The following ELAPOR1 variants were observed in gnomAD, a reference collection of about 807,000 sequenced individuals.
The protein encoded by ELAPOR1 is endosome-lysosome associated apoptosis and autophagy regulator 1, also known as endosome/lysosome-associated apoptosis and autophagy regulator 1.
ELAPOR1 carries 77 observed loss-of-function variants against 119.7 expected under a neutral mutation model. That is an observed-to-expected ratio of 0.64 (90% CI 0.54 to 0.78). The LOEUF is 0.78. ELAPOR1 is among the 30% of genes least tolerant of loss of function. The pLI is 0.00. For missense variants in ELAPOR1, 1,115 were observed against 1,270.4 expected (o/e 0.88, Z 1.86); for synonymous variants, 481 against 487.2 (o/e 0.99, Z 0.17).
At chr1:109,114,473 G>T (rs1018336643) in intron 1 of ELAPOR1, 137 bp downstream of exon 1, 28 of 1,040,810 alleles carry the variant, frequency 2.7e-5, no homozygotes, top group Middle Eastern at 2.5e-4. Context: ...GTGGGGGGAG[G>T]GAAGAGGAGC....
intron 7 of ELAPOR1, among the ~76,000 whole-genome samples, chr1:109,175,149 CTG>C (rs1454854705): frequency 6.6e-6 from 1 of 151,962 alleles, no homozygotes; most frequent in Non-Finnish European, 1.5e-5. Context: ...ACATGAGACA[CTG>C]TGCCCAGTCC....
In ELAPOR1 at chr1:109,197,688, AGTGTGTGT is replaced by A. The variant is rs5776967; in HGVS notation, c.2302+53_2302+60del. 1.3e-3 allele frequency: 1,835 copies of A among 1,366,754 alleles called. 11 individuals carry two copies. In the African/African-American group the frequency reaches 0.022, roughly 16 times the overall value. 84.7% of individuals were successfully genotyped at this position (1,366,754 alleles called of 1,614,324 possible). A position where few individuals can be genotyped will look rare whatever the true frequency, so the allele number is the denominator to read the frequency against. On this transcript the variant is annotated intron_variant, in intron 16 of 21. Transcript: ENST00000369939. The stretch of plus-strand genomic sequence containing the variant: ...CTCCGCTGCCTCAGCCTTGTTTGAG[AGTGTGTGT>A]GTGTGTGTGTGTGTGTGTATGTGTA...
intron 1 of ELAPOR1, among the ~76,000 whole-genome samples, chr1:109,129,790 C>G (rs1052813812): frequency 6.6e-5 from 10 of 152,160 alleles, no homozygotes; most frequent in African/African-American, 9.7e-5. Flanking sequence ...TTTGAAGGAC[C>G]ACTGTGAAAA....
Position 109,173,765 on chromosome 1 carries a change from CT to C in ELAPOR1, c.883del (p.Cys295AlafsTer74). ...CAAGCAGGGCTCCTCTTTCTGCAAA[CT>C]TTGCCCAGCCAACTCTTATTCAAAT... Reference protein sequence around the residue: ...ADKQGSSFCKLCPANSYSNKG... With the variant: ...ADKQGSSFCKXCPANSYSNKG... On this transcript the variant is annotated frameshift_variant, in exon 7 of 22. Transcript: ENST00000369939. LOFTEE classifies it high-confidence loss of function. 3.1e-6 allele frequency: 5 copies of C among 1,614,178 alleles called. No homozygotes were observed. The highest frequency in any genetic ancestry group is 4.2e-6 in the Non-Finnish European group (5 of 1,180,028).
intron 1 of ELAPOR1, among the ~76,000 whole-genome samples, chr1:109,140,676 G>C (rs965779342): frequency 1.3e-5 from 2 of 152,122 alleles, no homozygotes; most frequent in East Asian, 3.8e-4. Flanking sequence ...TAGATCTCAG[G>C]ATTGTATACA....
chr1:109,144,058 TA>T lies in ELAPOR1; in HGVS notation c.154-17835del, dbSNP rs1176475230. On this transcript the variant is annotated intron_variant, in intron 1 of 21. Coordinates refer to ENST00000369939, the MANE Select transcript of ELAPOR1 (RefSeq NM_020775.5). ...TTATATATATATATATATATATTTA[TA>T]TATTTTTTTTTTTTTTTGAGATGGA... 4.6e-3 allele frequency among the ~76,000 whole-genome samples: 226 copies of T among 48,916 alleles called. 4 individuals carry two copies. The highest frequency in any genetic ancestry group is 0.011 in the East Asian group (13 of 1,168). The allele number at this position is 48,916 out of a possible 152,430, so 32.1% of individuals were successfully genotyped here.
rs557486442 is a variant in ELAPOR1 at position 109,202,110 on chromosome 1, G to GTATT, written c.2974-817_2974-814dup. Among the ~76,000 whole-genome samples the GTATT allele has an allele frequency of 2.0e-3, 305 of 151,912 alleles. 1 individual carries two copies. Among genetic ancestry groups the GTATT allele is most frequent in the Non-Finnish European group, 3.6e-3 (242 of 67,864 alleles). ...GCGAGACCCTGTCTCTAAAAAACATGTATTTATTTATTTATTTATTGAGAC... is the reference window on the plus strand; with the variant it reads ...GCGAGACCCTGTCTCTAAAAAACATGTATTTATTTATTTATTTATTTATTGAGAC... On this transcript the variant is annotated intron_variant, in intron 21 of 21. Coordinates refer to ENST00000369939, the MANE Select transcript of ELAPOR1 (RefSeq NM_020775.5).
At chr1:109,139,004 C>A (rs971781046) in intron 1 of ELAPOR1, among the ~76,000 whole-genome samples, 7 of 151,876 alleles carry the variant, frequency 4.6e-5, no homozygotes, top group African/African-American at 1.7e-4. Flanking sequence ...CTGTCCTGGC[C>A]CCCTAGTTCT....
intron 2 of ELAPOR1, among the ~76,000 whole-genome samples, chr1:109,164,122 TC>T (rs1239350221): frequency 1.3e-5 from 2 of 152,154 alleles, no homozygotes; most frequent in East Asian, 3.9e-4. Context: ...TTTAGAATAT[TC>T]ACAGCAACCA....
chr1:109,133,297 A>T (rs1025174518), intron 1 of ELAPOR1, among the ~76,000 whole-genome samples: 15 of 152,262 alleles, frequency 9.9e-5, no homozygotes, highest in South Asian at 2.1e-4. Context: ...TATGAATGCT[A>T]TATAAGCAAA....
intron 1 of ELAPOR1, among the ~76,000 whole-genome samples, chr1:109,114,580 C>A (rs537434007): frequency 6.6e-6 from 1 of 152,150 alleles, no homozygotes; most frequent in Admixed American, 6.5e-5. Flanking sequence ...AGGTCCCAGC[C>A]CCAAGAAGGG....
intron 1 of ELAPOR1, among the ~76,000 whole-genome samples, chr1:109,150,193 T>C (rs1650442743): frequency 6.6e-6 from 1 of 152,206 alleles, no homozygotes; most frequent in South Asian, 2.1e-4. Flanking sequence ...TGGAGGCCAC[T>C]GTCTGCTTTG....
At chr1:109,156,560 G>A (rs527966895) in intron 1 of ELAPOR1, among the ~76,000 whole-genome samples, 1 of 152,208 alleles carries the variant, frequency 6.6e-6, no homozygotes, top group African/African-American at 2.4e-5. Context: ...TATGTACCTT[G>A]TATAAGTAGA....
intron 7 of ELAPOR1, among the ~76,000 whole-genome samples, chr1:109,183,163 T>G (rs796437148): frequency 2.6e-4 from 40 of 151,578 alleles, no homozygotes; most frequent in African/African-American, 9.4e-4. Flanking sequence ...TCAAAAGAGT[T>G]TTTAAAATCA....
Position 109,180,422 on chromosome 1 carries a change from G to A in ELAPOR1, c.953-4623G>A, listed in dbSNP as rs569446523. 3.3e-5 allele frequency among the ~76,000 whole-genome samples: 5 copies of A among 152,094 alleles called. No individual in the cohort carries two copies. The East Asian group carries it at 5.8e-4, about 18-fold the overall frequency. Reference sequence around the variant, plus strand: ...CTGGGGAGGCTGACGCAGGAGGATCGTTCAAGCCCAGGAGTTAGAAGCTGA... The same window carrying A: ...CTGGGGAGGCTGACGCAGGAGGATCATTCAAGCCCAGGAGTTAGAAGCTGA... On this transcript the variant is annotated intron_variant, in intron 7 of 21. Transcript: ENST00000369939.
chr1:109,155,452 A>T (rs1335952878), intron 1 of ELAPOR1, among the ~76,000 whole-genome samples: 1 of 152,216 alleles, frequency 6.6e-6, no homozygotes, highest in Non-Finnish European at 1.5e-5. Context: ...TGCTGGGATT[A>T]CAGGCGTGAG....
At chr1:109,131,602 C>G (rs1412563245) in intron 1 of ELAPOR1, among the ~76,000 whole-genome samples, 1 of 152,106 alleles carries the variant, frequency 6.6e-6, no homozygotes, top group African/African-American at 2.4e-5. Flanking sequence ...TGGTCCAGTG[C>G]TTGCCCTCGA....
At position 109,200,087 on chromosome 1, in the gene ELAPOR1, A is replaced by G. The variant is rs774430616; in HGVS notation, c.2657A>G (p.Lys886Arg). 7 of 1,614,042 alleles carry G rather than the reference A, an allele frequency of 4.3e-6. No individual in the cohort carries two copies. Among genetic ancestry groups the G allele is most frequent in the African/African-American group, 1.3e-5 (1 of 74,914 alleles). The change falls in exon 20 of 22, where the codon AAG becomes AGG. Residue 886 changes from lysine to arginine, a missense_variant. Coordinates refer to ENST00000369939, the MANE Select transcript of ELAPOR1 (RefSeq NM_020775.5). ...ACTACTTACGTGTGGCGAGAACCCA[A>G]GCTATGCTCTGGTGGCATTTCTCTG... ...QKTTYVWREPKLCSGGISLPE... is the reference protein window; with the variant it reads ...QKTTYVWREPRLCSGGISLPE...
intron 5 of ELAPOR1, 119 bp from the exon 6 acceptor site, chr1:109,173,355 G>T: frequency 6.4e-6 from 5 of 787,388 alleles, no homozygotes; most frequent in Non-Finnish European, 1.1e-5. Flanking sequence ...GGAGGAAGAG[G>T]GTCAGAAGAA....
Sources: allele counts gnomAD v4.1 joint callset (sites outside exome capture counted in the v4.1 genomes callset), GRCh38; gene constraint gnomAD v4.1.1; transcripts MANE v1.5; gene names NCBI Gene and HGNC (gene_info 2026-07-23, HGNC 2026-07-21).